Variants in SPRED1 observed in about 807,000 individuals in gnomAD.
The protein encoded by SPRED1 is sprouty-related, EVH1 domain-containing protein 1.
A neutral mutation model predicts 52.3 loss-of-function variants in SPRED1; 18 were observed. The observed-to-expected ratio is 0.34, with a 90% confidence interval of 0.24 to 0.51. The LOEUF (loss-of-function observed/expected upper bound fraction) is 0.51, where lower values mean the gene tolerates loss of function less well. Among genes scored for constraint, SPRED1 ranks in the 20% least tolerant of loss-of-function variants. The pLI is 0.97. For synonymous variants in SPRED1, 155 were observed against 179.7 expected (o/e 0.86, Z 1.10); for missense variants, 485 against 551.0 (o/e 0.88, Z 1.20).
At chr15:38,335,415 A>G (rs1895893094) in intron 4 of SPRED1, among the ~76,000 whole-genome samples, 1 of 152,114 alleles carries the variant, frequency 6.6e-6, no homozygotes, top group Non-Finnish European at 1.5e-5. Flanking sequence ...AGGGCTTTGC[A>G]CTAAGACAGT....
At chr15:38,265,334 T>C (rs555634645) in intron 1 of SPRED1, among the ~76,000 whole-genome samples, 2 of 152,314 alleles carry the variant, frequency 1.3e-5, no homozygotes, top group East Asian at 1.9e-4. Flanking sequence ...ACAGAACTTT[T>C]AGTTCTTCAG....
intron 2 of SPRED1, among the ~76,000 whole-genome samples, chr15:38,311,699 T>G (rs938042322): frequency 6.6e-6 from 1 of 152,212 alleles, no homozygotes. Flanking sequence ...GTCTAACTTA[T>G]GAGCATAAAG....
chr15:38,295,754 A>G (rs925562516), intron 1 of SPRED1, among the ~76,000 whole-genome samples: 2 of 152,198 alleles, frequency 1.3e-5, no homozygotes, highest in Non-Finnish European at 2.9e-5. Context: ...ATAATTGAAC[A>G]TCTGGTTAAT....
intron 5 of SPRED1, among the ~76,000 whole-genome samples, chr15:38,342,448 T>C (rs1896049714): frequency 6.6e-6 from 1 of 152,136 alleles, no homozygotes; most frequent in Admixed American, 6.5e-5. Context: ...ACAGTTAGCA[T>C]TCATTTAGGT....
chr15:38,291,841 G>A (rs1316948435), intron 1 of SPRED1, among the ~76,000 whole-genome samples: 1 of 152,212 alleles, frequency 6.6e-6, no homozygotes, highest in African/African-American at 2.4e-5. Context: ...GGGAGGGGCT[G>A]CTCTGAAGGT....
chr15:38,253,346 G>T, intron 1 of SPRED1, 129 bp downstream of exon 1: 2 of 856,230 alleles, frequency 2.3e-6, no homozygotes, highest in Non-Finnish European at 3.9e-6. Flanking sequence ...ATCTTCTGGA[G>T]ATAGCTGATT....
At chr15:38,274,235 A>C (rs1236621604) in intron 1 of SPRED1, among the ~76,000 whole-genome samples, 1 of 152,216 alleles carries the variant, frequency 6.6e-6, no homozygotes, top group Non-Finnish European at 1.5e-5. Flanking sequence ...CCCTTGGTTT[A>C]GAACCAAAAT....
At chr15:38,317,855 A>G (rs1201204285) in intron 2 of SPRED1, among the ~76,000 whole-genome samples, 1 of 148,292 alleles carries the variant, frequency 6.7e-6, no homozygotes, top group African/African-American at 2.5e-5. Context: ...TTAAGTTTGA[A>G]GTAGACAGTT....
chr15:38,343,167 A>G (rs542395217), intron 5 of SPRED1, among the ~76,000 whole-genome samples: 2 of 152,232 alleles, frequency 1.3e-5, no homozygotes, highest in East Asian at 1.9e-4. Flanking sequence ...ATTCATCTCT[A>G]TAAAGGTAAT....
intron 4 of SPRED1, among the ~76,000 whole-genome samples, chr15:38,331,596 T>C (rs1895808566): frequency 6.6e-6 from 1 of 152,108 alleles, no homozygotes; most frequent in Admixed American, 6.6e-5. Context: ...CACTGACATG[T>C]GGCTCAAAAG....
chr15:38,324,013 G>A (rs1250431074), intron 3 of SPRED1, among the ~76,000 whole-genome samples: 1 of 151,562 alleles, frequency 6.6e-6, no homozygotes, highest in Non-Finnish European at 1.5e-5. Flanking sequence ...ACATTAGCTA[G>A]CATTATTATC....
intron 4 of SPRED1, among the ~76,000 whole-genome samples, chr15:38,325,094 C>T (rs562640701): frequency 1.5e-4 from 23 of 152,224 alleles, no homozygotes. Context: ...CACCTCCCCA[C>T]AGTGCTGGGA....
At chr15:38,311,379 G>A (rs1023629153) in intron 2 of SPRED1, among the ~76,000 whole-genome samples, 2 of 152,076 alleles carry the variant, frequency 1.3e-5, no homozygotes, top group Admixed American at 6.6e-5. Flanking sequence ...TCTGTAGGTC[G>A]GTGGGGGTTT....
At chr15:38,271,203 A>G (rs1894427202) in intron 1 of SPRED1, among the ~76,000 whole-genome samples, 1 of 152,222 alleles carries the variant, frequency 6.6e-6, no homozygotes, top group Non-Finnish European at 1.5e-5. Context: ...TTCTATGAAA[A>G]TAGTGTTTAG....
At chr15:38,293,098 A>AATTTTTTTTTTT (rs1566857726) in intron 1 of SPRED1, among the ~76,000 whole-genome samples, 1 of 20,232 alleles carries the variant, frequency 4.9e-5, no homozygotes, top group African/African-American at 1.1e-4. Context: ...CAAGATTACA[A>AATTTTTTTTTTT]CTTTTTTTTT....
chr15:38,295,327 G>A (rs1485478982), intron 1 of SPRED1, among the ~76,000 whole-genome samples: 1 of 152,174 alleles, frequency 6.6e-6, no homozygotes, highest in Non-Finnish European at 1.5e-5. Flanking sequence ...ATGAATTTGT[G>A]TTGGGCCGCA....
At chr15:38,349,397 TA>T in intron 5 of SPRED1, 24 bp from the exon 6 acceptor site, 1 of 1,536,704 alleles carries the variant, frequency 6.5e-7, no homozygotes, top group South Asian at 1.1e-5. Flanking sequence ...TTGTGTCATT[TA>T]AGTAGAAATT....
intron 1 of SPRED1, among the ~76,000 whole-genome samples, chr15:38,266,645 A>AACAG (rs1363270338): frequency 4.2e-3 from 16 of 3,846 alleles, no homozygotes; most frequent in African/African-American, 7.0e-3. Context: ...TGTCTCAAAA[A>AACAG]ACAAACAAAC....
At position 38,356,181 on chromosome 15, in the gene SPRED1, C is replaced by T. The variant is rs896719012; in HGVS notation, c.*4517C>T. On this transcript the variant is annotated 3_prime_UTR_variant, in exon 7 of 7. Coordinates refer to ENST00000299084, the MANE Select transcript of SPRED1 (RefSeq NM_152594.3). ...TTTCTATTTCTGACCTCAAAAGTGCCTCACTTGTATATTATTTCCATTAAA... is the reference window on the plus strand; with the variant it reads ...TTTCTATTTCTGACCTCAAAAGTGCTTCACTTGTATATTATTTCCATTAAA... 6.6e-6 allele frequency: 1 copy of T among 152,116 alleles called. No homozygotes were observed. Among genetic ancestry groups the T allele is most frequent in the Non-Finnish European group, 1.5e-5 (1 of 67,994 alleles). The allele number at this position is 152,116 out of a possible 1,614,324, so 9.4% of individuals were successfully genotyped here.
Sources: allele counts gnomAD v4.1 joint callset (sites outside exome capture counted in the v4.1 genomes callset), GRCh38; gene constraint gnomAD v4.1.1; transcripts MANE v1.5; gene names NCBI Gene and HGNC (gene_info 2026-07-23, HGNC 2026-07-21).